IPO5: variants seen among roughly 807,000 people sequenced by gnomAD.
IPO5 encodes the protein importin-5.
In IPO5, 18 loss-of-function variants were observed where a neutral mutation model predicts 143.3. The observed-to-expected ratio is 0.13, with a 90% CI of 0.09 to 0.19. The LOEUF (loss-of-function observed/expected upper bound fraction) is 0.19. Among genes scored for constraint, IPO5 ranks in the 10% least tolerant of loss-of-function variants. The pLI, the probability that IPO5 is intolerant of heterozygous loss-of-function variation, is 1.00. For synonymous variants in IPO5, 477 were observed against 465.7 expected (o/e 1.02, Z -0.31); for missense variants, 1,013 against 1,336.9 (o/e 0.76, Z 3.78).
chr13:97,976,558 C>T (rs1419076914), intron 3 of IPO5, 135 bp from the exon 4 acceptor site: 4 of 167,502 alleles, frequency 2.4e-5, no homozygotes, highest in Non-Finnish European at 5.0e-5. Context: ...CCCCGCCCTT[C>T]CCGCGCGGCC....
chr13:98,011,648 A>C (rs1349332837), intron 20 of IPO5, among the ~76,000 whole-genome samples: 4 of 151,694 alleles, frequency 2.6e-5, no homozygotes, highest in Admixed American at 6.6e-5. Context: ...CTGGCATTAC[A>C]GGTGCCCGCC....
chr13:98,005,800 G>T (rs578250588), intron 16 of IPO5, among the ~76,000 whole-genome samples: 1 of 152,218 alleles, frequency 6.6e-6, no homozygotes, highest in African/African-American at 2.4e-5. Flanking sequence ...AGAAAAAAAT[G>T]AGGATGAAGT....
chr13:97,989,889 A>G (rs1046670635), intron 7 of IPO5, among the ~76,000 whole-genome samples: 1 of 152,184 alleles, frequency 6.6e-6, no homozygotes, highest in Non-Finnish European at 1.5e-5. Flanking sequence ...GGATAAAAGC[A>G]TGTAGCTGGG....
chr13:97,967,661 T>A (rs1885460237), intron 2 of IPO5, among the ~76,000 whole-genome samples: 1 of 151,826 alleles, frequency 6.6e-6, no homozygotes, highest in Non-Finnish European at 1.5e-5. Flanking sequence ...TGTTTGAGTC[T>A]CGCTCTGTCG....
chr13:97,985,706 A>C, intron 6 of IPO5, 93 bp downstream of exon 6: 1 of 790,034 alleles, frequency 1.3e-6, no homozygotes. Flanking sequence ...AAGATTCATA[A>C]GTACCTGAGT....
chr13:98,021,362 T>C lies in IPO5; in HGVS notation c.3207+229T>C, dbSNP rs1201509839. On this transcript the variant is annotated intron_variant, in intron 28 of 28. Coordinates refer to ENST00000651721, the MANE Select transcript of IPO5 (RefSeq NM_002271.6). ...TCTTAGGACATTTTGAGCTTACCAGTTGGTGCTTAACACAAGCTTATGTGT... is the reference window on the plus strand; with the variant it reads ...TCTTAGGACATTTTGAGCTTACCAGCTGGTGCTTAACACAAGCTTATGTGT... 7.5e-6 allele frequency: 3 copies of C among 398,164 alleles called. No individual in the cohort carries two copies. In the East Asian group the frequency reaches 1.2e-4, roughly 15 times the overall value. The allele number at this position is 398,164 out of a possible 1,614,324, so 24.7% of individuals were successfully genotyped here. A position where few individuals can be genotyped will look rare whatever the true frequency, so the allele number is the denominator to read the frequency against.
chr13:98,021,652 G>T (rs2139890457), intron 28 of IPO5, 84 bp from the exon 29 acceptor site: 1 of 695,300 alleles, frequency 1.4e-6, no homozygotes, highest in Non-Finnish European at 2.3e-6. Flanking sequence ...ATTTTGCCAT[G>T]ATTACAGTTT....
chr13:97,989,039 T>A, intron 6 of IPO5, 23 bp from the exon 7 acceptor site: 1 of 1,406,636 alleles, frequency 7.1e-7, no homozygotes, highest in Non-Finnish European at 1.0e-6. Flanking sequence ...CACAACTTTA[T>A]GTCTGGATTT....
chr13:97,983,525 G>C (rs964819630), intron 5 of IPO5, among the ~76,000 whole-genome samples: 1 of 141,776 alleles, frequency 7.1e-6, no homozygotes, highest in African/African-American at 2.6e-5. Flanking sequence ...GAGGCATTTT[G>C]TAGCTAATTC....
Position 97,969,790 on chromosome 13 carries a change from G to A in IPO5, c.-45G>A. On this transcript the variant is annotated 5_prime_UTR_variant, in exon 3 of 29. Transcript: ENST00000651721. ...TGCAGCATGTCTTCAAATGCCTGAG[G>A]ATCAAGTTGGAAAACTAGAAGCAAC... is the stretch of plus-strand genomic sequence containing the variant. 1 of 1,612,622 alleles carries A rather than the reference G, an allele frequency of 6.2e-7. No homozygotes were observed. Among genetic ancestry groups the A allele is most frequent in the Non-Finnish European group, 8.5e-7 (1 of 1,179,046 alleles).
At chr13:98,021,245 T>G in intron 28 of IPO5, 112 bp downstream of exon 28, 1 of 929,800 alleles carries the variant, frequency 1.1e-6, no homozygotes, top group Non-Finnish European at 1.6e-6. Flanking sequence ...ATTTTTATAT[T>G]TTCATAGTCT....
chr13:97,962,575 G>A (rs536986177), intron 2 of IPO5, among the ~76,000 whole-genome samples: 1 of 152,128 alleles, frequency 6.6e-6, no homozygotes, highest in South Asian at 2.1e-4. Context: ...CCAGCACTTT[G>A]GGGGGCCCAG....
intron 4 of IPO5, among the ~76,000 whole-genome samples, chr13:97,978,753 C>G (rs966738390): frequency 1.3e-5 from 2 of 152,136 alleles, no homozygotes; most frequent in Admixed American, 6.5e-5. Flanking sequence ...TATTGTCAAG[C>G]CTAGTGGGGA....
At chr13:98,015,836 G>A in intron 24 of IPO5, 55 bp downstream of exon 24, 1 of 1,111,064 alleles carries the variant, frequency 9.0e-7, no homozygotes, top group Admixed American at 2.3e-5. Context: ...TGAAAGACTT[G>A]TAAATGCCTC....
intron 5 of IPO5, among the ~76,000 whole-genome samples, chr13:97,985,165 AAGACAG>A (rs1428734646): frequency 3.3e-5 from 5 of 152,320 alleles, no homozygotes; most frequent in African/African-American, 1.2e-4. Context: ...ACAGGGATTA[AAGACAG>A]GTTTATCATT....
rs143087147 is a variant in IPO5, at chr13:98,015,610, A to G, written c.2406A>G (p.Glu802=). Reference sequence around the variant, plus strand: ...GAGGTATATTGAAAGCAAAGCTTGAAGAACATTTTAAAAATCAAGAATTAC... The same window carrying G: ...GAGGTATATTGAAAGCAAAGCTTGAGGAACATTTTAAAAATCAAGAATTAC... The part of the protein sequence containing the change: ...ELGGILKAKL[E]EHFKNQELRQ... Residue 802 remains glutamate (E), a synonymous_variant, in exon 23 of 29, where the codon GAA becomes GAG. Transcript: ENST00000651721. 367 of 1,611,642 alleles carry G rather than the reference A, an allele frequency of 2.3e-4. No individual in the cohort carries two copies. Among genetic ancestry groups the G allele is most frequent in the Non-Finnish European group, 2.8e-4 (335 of 1,178,246 alleles).
At chr13:98,001,375 G>T (rs1006191031) in intron 13 of IPO5, among the ~76,000 whole-genome samples, 2 of 152,154 alleles carry the variant, frequency 1.3e-5, no homozygotes, top group African/African-American at 4.8e-5. Context: ...TCGCTCTGTT[G>T]CCCAGGGTAA....
chr13:97,987,805 A>G (rs1887495642), intron 6 of IPO5, among the ~76,000 whole-genome samples: 2 of 152,320 alleles, frequency 1.3e-5, no homozygotes, highest in South Asian at 4.1e-4. Context: ...GCCCAGCCCT[A>G]ATTTTGAATA....
At chr13:98,012,184 G>A in intron 20 of IPO5, 62 bp from the exon 21 acceptor site, 2 of 985,038 alleles carry the variant, frequency 2.0e-6, no homozygotes, top group Non-Finnish European at 3.3e-6. Flanking sequence ...TTTGCTGTTT[G>A]TTAATATTAA....
Sources: gnomAD v4.1 joint callset for allele counts (sites outside exome capture counted in the v4.1 genomes callset) on GRCh38, gnomAD v4.1.1 for gene constraint, MANE v1.5 for transcripts, NCBI Gene and HGNC (gene_info 2026-07-23, HGNC 2026-07-21) for gene names.